The following POU3F3 variants were observed in gnomAD, a reference collection of about 807,000 sequenced individuals.
POU3F3 encodes the protein POU domain, class 3, transcription factor 3.
Under a neutral mutation model 8.6 loss-of-function variants are expected in POU3F3, and 1 was observed. The ratio of observed to expected loss-of-function variants is 0.12; its 90% CI spans 0.04 to 0.55. The LOEUF is 0.55. Ranked by LOEUF, POU3F3 falls within the 20% of genes least tolerant of loss-of-function variation. The probability of loss-of-function intolerance (pLI) is 0.91; values close to 1 mark genes in which losing one functional copy is unlikely to be tolerated. For missense variants in POU3F3, 577 were observed against 690.7 expected (o/e 0.84, Z 1.84); for synonymous variants, 418 against 327.4 (o/e 1.28, Z -2.99).
the POU3F3 span, among the ~76,000 whole-genome samples, chr2:104,876,799 G>A: frequency 6.6e-6 from 1 of 152,222 alleles, no homozygotes; most frequent in African/African-American, 2.4e-5. Flanking sequence ...AACCAGAGCA[G>A]CAAGCCTTGG....
the POU3F3 span, chr2:104,868,471 C>G: frequency 2.4e-6 from 1 of 411,158 alleles, no homozygotes; most frequent in Non-Finnish European, 4.9e-6. Flanking sequence ...TTCTTGAACT[C>G]AACTCAGGAG....
the POU3F3 span, among the ~76,000 whole-genome samples, chr2:104,915,240 G>A: frequency 6.6e-6 from 1 of 152,176 alleles, no homozygotes; most frequent in Non-Finnish European, 1.5e-5. Context: ...CCTGTTTCAG[G>A]TAGTTGACAA....
chr2:104,887,399 A>G, the POU3F3 span, among the ~76,000 whole-genome samples: 128 of 152,316 alleles, frequency 8.4e-4, 3 homozygotes, highest in East Asian at 1.9e-3. Flanking sequence ...ATAACGACAC[A>G]TGTCTTAGAA....
chr2:104,855,603 C>T lies in POU3F3; in HGVS notation c.93C>T (p.Gly31=). 1 of 915,074 alleles carries T rather than the reference C, an allele frequency of 1.1e-6. No homozygotes were observed. Among genetic ancestry groups the T allele is most frequent in the South Asian group, 5.0e-5 (1 of 20,170 alleles). The allele number at this position is 915,074 out of a possible 1,614,324, so 56.7% of individuals were successfully genotyped here. Residue 31 remains glycine, a synonymous_variant, in exon 1 of 1, where the codon GGC becomes GGT. Transcript: ENST00000361360. ...ACTCGGACGCGGCAGGGGCTGGCGG[C>T]GGCGGGGGTGGCGGCGGCGGCGGCG... ...IVHSDAAGAG[G]GGGGGGGGGG...
chr2:104,854,920 GAAGA>G lies in POU3F3; in HGVS notation c.-587_-584del, dbSNP rs1676516710. ...GCTGGTCATCCGTAATTTGGCTAAG[GAAGA>G]AAGGAGCAGCTTCTTTCTTTGTTAT... is the stretch of plus-strand genomic sequence containing the variant. On this transcript the variant is annotated 5_prime_UTR_variant, in exon 1 of 1. Transcript: ENST00000361360. The surrounding 1 kb of genome is among the most constrained non-coding windows in gnomAD (Gnocchi z 4.5). Among the ~76,000 whole-genome samples the G allele has an allele frequency of 6.6e-6, 1 of 152,204 alleles. No individual in the cohort carries two copies. The highest frequency in any genetic ancestry group is 1.9e-4 in the East Asian group (1 of 5,194).
At chr2:104,880,709 G>A in the POU3F3 span, among the ~76,000 whole-genome samples, 1 of 152,052 alleles carries the variant, frequency 6.6e-6, no homozygotes, top group African/African-American at 2.4e-5. Context: ...AAAGGTCAGG[G>A]TGTGTTTTGT....
At chr2:104,863,667 C>A in the POU3F3 span, among the ~76,000 whole-genome samples, 1 of 152,166 alleles carries the variant, frequency 6.6e-6, no homozygotes, top group Non-Finnish European at 1.5e-5. Flanking sequence ...CCCCTTGGGT[C>A]TTCCCGGACT....
chr2:104,916,406 G>T, the POU3F3 span, among the ~76,000 whole-genome samples: 1 of 152,130 alleles, frequency 6.6e-6, no homozygotes, highest in Non-Finnish European at 1.5e-5. Context: ...TGTGGTTCAG[G>T]GGTCTGGGTG....
At chr2:104,905,580 A>T in the POU3F3 span, among the ~76,000 whole-genome samples, 3 of 152,236 alleles carry the variant, frequency 2.0e-5, no homozygotes, top group Non-Finnish European at 4.4e-5. Flanking sequence ...GTATTCTGCA[A>T]GCCAGAAGTT....
Position 104,856,032 on chromosome 2 carries a change from CCCG to C in POU3F3, c.531_533del (p.Pro179del). 1.0e-6 allele frequency: 1 copy of C among 988,052 alleles called. No homozygotes were observed. Among genetic ancestry groups the C allele is most frequent in the Non-Finnish European group, 1.2e-6 (1 of 834,324 alleles). The allele number at this position is 988,052 out of a possible 1,614,324, so 61.2% of individuals were successfully genotyped here. ...ACCGCGGGCCGCCGCACCTCGGACC[CCCG>C]CCGCCGCCCCCACACCAGGGCCACC... On this transcript the variant is annotated inframe_deletion, in exon 1 of 1. Coordinates refer to ENST00000361360, the MANE Select transcript of POU3F3 (RefSeq NM_006236.3).
At chr2:104,879,727 G>C in the POU3F3 span, among the ~76,000 whole-genome samples, 1 of 152,126 alleles carries the variant, frequency 6.6e-6, no homozygotes, top group Non-Finnish European at 1.5e-5. Flanking sequence ...TGTTTCAGGA[G>C]CAGATCTCCT....
At position 104,857,187 on chromosome 2, in the gene POU3F3, C is replaced by T; in HGVS notation, c.*174C>T. 1 of 703,464 alleles carries T rather than the reference C, an allele frequency of 1.4e-6. No homozygotes were observed. The highest frequency in any genetic ancestry group is 1.9e-5 in the African/African-American group (1 of 51,568). 43.6% of individuals were successfully genotyped at this position (703,464 alleles called of 1,614,324 possible). ...GCCCAGGCCCATCCGCCGCCCTCCC[C>T]TCCACCCAGAGACAGGCATGCCCGC... On this transcript the variant is annotated 3_prime_UTR_variant, in exon 1 of 1. Coordinates refer to ENST00000361360, the MANE Select transcript of POU3F3 (RefSeq NM_006236.3).
At chr2:104,891,065 C>A in the POU3F3 span, among the ~76,000 whole-genome samples, 1 of 152,148 alleles carries the variant, frequency 6.6e-6, no homozygotes, top group African/African-American at 2.4e-5. Flanking sequence ...TATCTGTAAG[C>A]TGGAGAAAGT....
Position 104,856,255 on chromosome 2 carries a change from G to T in POU3F3, c.745G>T (p.Gly249Cys). ...CGGCGGCGGCGGCGGCGGCGCGGGC[G>T]GTGGAGCCCAGAGCTTGGTGCACCC... ...GPGGGGGGAGGGAQSLVHPGL... is the reference protein window; with the variant it reads ...GPGGGGGGAGCGAQSLVHPGL... Residue 249 changes from glycine to cysteine, a missense_variant, in exon 1 of 1, where the codon GGT becomes TGT. Gly to Cys is a radical substitution (Grantham distance 159). Transcript: ENST00000361360. The T allele has an allele frequency of 1.5e-6, 2 of 1,295,048 alleles. No individual in the cohort carries two copies. Among genetic ancestry groups the T allele is most frequent in the Non-Finnish European group, 1.9e-6 (2 of 1,031,566 alleles). The allele number at this position is 1,295,048 out of a possible 1,614,324, so 80.2% of individuals were successfully genotyped here. A position where few individuals can be genotyped will look rare whatever the true frequency, so the allele number is the denominator to read the frequency against.
the POU3F3 span, among the ~76,000 whole-genome samples, chr2:104,895,225 A>G: frequency 6.6e-6 from 1 of 152,186 alleles, no homozygotes; most frequent in Non-Finnish European, 1.5e-5. Context: ...TTTCAAAGCC[A>G]ATCAAACTTG....
downstream of POU3F3, among the ~76,000 whole-genome samples, chr2:104,860,540 C>G (rs1247081387): frequency 2.0e-5 from 3 of 152,036 alleles, no homozygotes; most frequent in Middle Eastern, 3.2e-3. Context: ...TCCAACCCCC[C>G]CTCCCCTTCC....
At chr2:104,911,641 CAG>C in the POU3F3 span, among the ~76,000 whole-genome samples, 1 of 151,734 alleles carries the variant, frequency 6.6e-6, no homozygotes, top group Non-Finnish European at 1.5e-5. Flanking sequence ...CCCCCTGACA[CAG>C]AGAAAATAAA....
chr2:104,917,572 A>C, the POU3F3 span, among the ~76,000 whole-genome samples: 1 of 152,176 alleles, frequency 6.6e-6, no homozygotes, highest in South Asian at 2.1e-4. Context: ...AGGGGGCAGC[A>C]GGGAAGAGGA....
chr2:104,870,190 G>T, the POU3F3 span, among the ~76,000 whole-genome samples: 1 of 152,148 alleles, frequency 6.6e-6, no homozygotes, highest in Non-Finnish European at 1.5e-5. Flanking sequence ...AGGTGTCTAA[G>T]GTAATACCAC....
Sources: allele counts gnomAD v4.1 joint callset (sites outside exome capture counted in the v4.1 genomes callset), GRCh38; gene constraint gnomAD v4.1.1; non-coding constraint Gnocchi (gnomAD v3.1); transcripts MANE v1.5; gene names NCBI Gene and HGNC (gene_info 2026-07-23, HGNC 2026-07-21).